The following FREM3 variants were observed in gnomAD, a reference collection of about 807,000 sequenced individuals.
FREM3 encodes the protein FRAS1-related extracellular matrix protein 3.
Under a neutral mutation model 129.1 loss-of-function variants are expected in FREM3, and 105 were observed. The observed-to-expected ratio is 0.81, with a 90% CI of 0.69 to 0.96. FREM3 has a LOEUF of 0.96. FREM3 is among the 40% of genes least tolerant of loss of function. FREM3 has a pLI of 0.00. For missense variants in FREM3, 2,593 were observed against 2,666.3 expected (o/e 0.97, Z 0.61); for synonymous variants, 1,014 against 1,044.9 (o/e 0.97, Z 0.57).
chr4:143,596,273 T>C (rs1345427836), intron 6 of FREM3, among the ~76,000 whole-genome samples: 1 of 152,212 alleles, frequency 6.6e-6, no homozygotes, highest in Non-Finnish European at 1.5e-5. Context: ...GTGTGGGCCA[T>C]GAATTTAGGA....
chr4:143,593,686 AC>A (rs1223853664), intron 6 of FREM3, among the ~76,000 whole-genome samples: 1 of 152,154 alleles, frequency 6.6e-6, no homozygotes, highest in Non-Finnish European at 1.5e-5. Context: ...GGGGTCAGGG[AC>A]CCACTTGAGG....
chr4:143,632,890 G>A lies in FREM3; in HGVS notation c.5276-5130C>T, dbSNP rs970270046. Among the ~76,000 whole-genome samples, 5 of 152,294 alleles carry A rather than the reference G, an allele frequency of 3.3e-5. No individual in the cohort carries two copies. In the South Asian group the frequency reaches 1.0e-3, roughly 32 times the overall value. ...TGAACCACATTCAAAGCCATCCTGG[G>A]CTGCATGTAGCCCACAGGCCATGGG... is the stretch of plus-strand genomic sequence containing the variant. On this transcript the variant is annotated intron_variant, in intron 2 of 7. Transcript: ENST00000329798.
chr4:143,631,287 T>C (rs1739135923), intron 2 of FREM3, among the ~76,000 whole-genome samples: 1 of 152,178 alleles, frequency 6.6e-6, no homozygotes, highest in Non-Finnish European at 1.5e-5. Context: ...TCCAGTTTAC[T>C]ACAGGAATAA....
intron 4 of FREM3, 22 bp from the exon 5 acceptor site, chr4:143,621,184 T>G (rs1209787580): frequency 6.5e-7 from 1 of 1,536,202 alleles, no homozygotes; most frequent in Admixed American, 2.0e-5. Context: ...GGCAGAAGAC[T>G]TTTCACCAAG....
chr4:143,594,249 C>T (rs552359907), intron 6 of FREM3, among the ~76,000 whole-genome samples: 55 of 152,230 alleles, frequency 3.6e-4, no homozygotes, highest in Non-Finnish European at 6.9e-4. Flanking sequence ...ACCCACTGTC[C>T]GACACTCCCC....
chr4:143,667,174 G>A (rs988179049), intron 2 of FREM3, among the ~76,000 whole-genome samples: 5 of 151,958 alleles, frequency 3.3e-5, no homozygotes, highest in Admixed American at 6.6e-5. Flanking sequence ...TTTATTGGAG[G>A]AATACTGTAT....
intron 6 of FREM3, among the ~76,000 whole-genome samples, chr4:143,600,824 T>G (rs768001674): frequency 1.2e-4 from 19 of 152,164 alleles, no homozygotes; most frequent in Non-Finnish European, 2.6e-4. Context: ...TAAGATATCA[T>G]GGAGGCTGAA....
intron 6 of FREM3, among the ~76,000 whole-genome samples, chr4:143,603,474 C>T (rs878989298): frequency 6.6e-6 from 1 of 152,108 alleles, no homozygotes; most frequent in African/African-American, 2.4e-5. Flanking sequence ...GATGACCTCA[C>T]GTGTGAAATG....
chr4:143,584,340 C>T (rs1323788214), intron 7 of FREM3, among the ~76,000 whole-genome samples: 3 of 144,956 alleles, frequency 2.1e-5, no homozygotes, highest in East Asian at 2.1e-4. Context: ...ACCCGGGAAG[C>T]GGAGCTTGCA....
chr4:143,612,842 A>G (rs1030357454), intron 5 of FREM3, among the ~76,000 whole-genome samples: 1 of 152,230 alleles, frequency 6.6e-6, no homozygotes, highest in Non-Finnish European at 1.5e-5. Context: ...TTTGAAAAGT[A>G]TAAATATTTC....
At chr4:143,665,311 T>G (rs1739838208) in intron 2 of FREM3, among the ~76,000 whole-genome samples, 1 of 152,122 alleles carries the variant, frequency 6.6e-6, no homozygotes, top group Non-Finnish European at 1.5e-5. Flanking sequence ...TACCCACTTA[T>G]TCTCATAGTA....
rs1429664612 is a variant in FREM3 at position 143,693,127 on chromosome 4, G to T, written c.5261C>A (p.Ser1754Tyr). 3 of 1,498,150 alleles carry T rather than the reference G, an allele frequency of 2.0e-6. No individual in the cohort carries two copies. The South Asian group carries it at 3.8e-5, about 19-fold the overall frequency. The allele number at this position is 1,498,150 out of a possible 1,614,324, so 92.8% of individuals were successfully genotyped here. Residue 1754 changes from serine to tyrosine, a missense_variant, in exon 2 of 8, where the codon TCT becomes TAT. Transcript: ENST00000329798. ...SNASKDIFYF[S>Y]VEDNGGNKLT... ...TTATGACTTACCATTGTCTTCAACA[G>T]AGAAATAGAAGATGTCCTTTGATGC...
chr4:143,681,203 T>C (rs1360992696), intron 2 of FREM3, among the ~76,000 whole-genome samples: 1 of 152,122 alleles, frequency 6.6e-6, no homozygotes, highest in African/African-American at 2.4e-5. Flanking sequence ...GTTCTTTGTA[T>C]AGATGATTTT....
chr4:143,664,246 T>G (rs758985969), intron 2 of FREM3, among the ~76,000 whole-genome samples: 12 of 152,144 alleles, frequency 7.9e-5, no homozygotes, highest in Non-Finnish European at 8.8e-5. Context: ...ATGATGGTGA[T>G]GCACAGATGA....
At chr4:143,678,825 T>C (rs1431795511) in intron 2 of FREM3, among the ~76,000 whole-genome samples, 1 of 152,132 alleles carries the variant, frequency 6.6e-6, no homozygotes, top group Non-Finnish European at 1.5e-5. Flanking sequence ...ATAAGGCAGC[T>C]TAGGTAAATC....
At chr4:143,629,487 C>T (rs568532684) in intron 2 of FREM3, among the ~76,000 whole-genome samples, 1 of 152,152 alleles carries the variant, frequency 6.6e-6, no homozygotes, top group East Asian at 1.9e-4. Context: ...TAAAAAATAA[C>T]ATTATTGATA....
chr4:143,610,199 T>G (rs777401519), intron 6 of FREM3, among the ~76,000 whole-genome samples: 1 of 152,138 alleles, frequency 6.6e-6, no homozygotes, highest in Non-Finnish European at 1.5e-5. Flanking sequence ...GCAAAAGTAG[T>G]CTACTGAAAA....
chr4:143,627,683 C>A lies in FREM3; in HGVS notation c.5353G>T (p.Asp1785Tyr). The A allele has an allele frequency of 1.3e-6, 2 of 1,534,196 alleles. 1 individual carries two copies. Residue 1785 changes from aspartate to tyrosine, a missense_variant, in exon 3 of 8, where the codon GAT (aspartate) becomes TAT (tyrosine). Asp to Tyr is a radical substitution (Grantham distance 160, BLOSUM62 -3). Transcript: ENST00000329798. ...ICLEKEYYIV[D>Y]EDSTFLEVTL... ...ACTTCTAAGAATGTGGAATCTTCAT[C>A]CACAATGTAGTACTCTTTCTCCAAA... is the stretch of plus-strand genomic sequence containing the variant.
intron 5 of FREM3, among the ~76,000 whole-genome samples, chr4:143,618,414 A>T (rs1738888727): frequency 6.6e-6 from 1 of 152,084 alleles, no homozygotes; most frequent in Non-Finnish European, 1.5e-5. Flanking sequence ...AAGAAAAAGA[A>T]AAAGAAAAAA....
Sources: gnomAD v4.1 joint callset for allele counts (sites outside exome capture counted in the v4.1 genomes callset) on GRCh38, gnomAD v4.1.1 for gene constraint, MANE v1.5 for transcripts, NCBI Gene and HGNC (gene_info 2026-07-23, HGNC 2026-07-21) for gene names.